Variants in R3HDM2 observed in about 807,000 individuals in gnomAD.
R3HDM2 encodes the protein R3H domain-containing protein 2.
A neutral mutation model predicts 124.5 loss-of-function variants in R3HDM2; 38 were observed. The observed-to-expected ratio is 0.31, with a 90% CI of 0.24 to 0.40. The LOEUF (loss-of-function observed/expected upper bound fraction) is 0.40. Ranked by LOEUF, R3HDM2 falls within the 10% of genes least tolerant of loss-of-function variation. R3HDM2 has a pLI of 1.00. For synonymous variants in R3HDM2, 391 were observed against 448.0 expected (o/e 0.87, Z 1.61); for missense variants, 869 against 1,236.9 (o/e 0.70, Z 4.46).
chr12:57,368,229 T>C lies in R3HDM2; in HGVS notation c.-36+27520A>G, dbSNP rs75511990. 2.1e-3 allele frequency among the ~76,000 whole-genome samples: 325 copies of C among 152,202 alleles called. 9 individuals are homozygous for C. The East Asian group carries it at 0.05, about 23-fold the overall frequency. ...TTAAAAAAAATTCAATGTGTATATA[T>C]ATATATTTAACTTTTTAAGCAGAAA... is the stretch of plus-strand genomic sequence containing the variant. On this transcript the variant is annotated intron_variant, in intron 2 of 23. Transcript: ENST00000402412.
chr12:57,430,406 C>T, intron 1 of R3HDM2: 2 of 515,830 alleles, frequency 3.9e-6, no homozygotes, highest in Non-Finnish European at 5.0e-6. Flanking sequence ...AAGAAACACA[C>T]GGAGCTAGCC....
At chr12:57,285,381 A>T (rs759359898) in intron 12 of R3HDM2, among the ~76,000 whole-genome samples, 2 of 152,154 alleles carry the variant, frequency 1.3e-5, no homozygotes, top group Non-Finnish European at 2.9e-5. Flanking sequence ...CTAAGAATAC[A>T]CTGGCACAAC....
intron 23 of R3HDM2, 74 bp from the exon 24 acceptor site, chr12:57,255,187 A>G (rs2038571873): frequency 7.9e-7 from 1 of 1,271,198 alleles, no homozygotes; most frequent in Non-Finnish European, 1.1e-6. Flanking sequence ...CCCAGCAGAG[A>G]AGTGTCCAGC....
chr12:57,392,637 A>C (rs1229549315), intron 2 of R3HDM2, among the ~76,000 whole-genome samples: 1 of 152,092 alleles, frequency 6.6e-6, no homozygotes, highest in Non-Finnish European at 1.5e-5. Context: ...CTTGTTGCCC[A>C]GGCTAGAGTG....
intron 2 of R3HDM2, among the ~76,000 whole-genome samples, chr12:57,313,306 C>T (rs1593124028): frequency 6.6e-6 from 1 of 152,096 alleles, no homozygotes. Flanking sequence ...ATGCCTGTAA[C>T]CCCAACACTT....
At chr12:57,378,532 C>T (rs913303701) in intron 2 of R3HDM2, among the ~76,000 whole-genome samples, 5 of 152,140 alleles carry the variant, frequency 3.3e-5, no homozygotes, top group Non-Finnish European at 5.9e-5. Flanking sequence ...CATATGCCAC[C>T]ACGACTGGCT....
chr12:57,335,151 T>C (rs954273573), intron 2 of R3HDM2, among the ~76,000 whole-genome samples: 2 of 151,458 alleles, frequency 1.3e-5, no homozygotes, highest in Admixed American at 6.6e-5. Context: ...CTACAAAATA[T>C]ATAACATATA....
chr12:57,283,273 G>GA (rs2046586461), intron 13 of R3HDM2, among the ~76,000 whole-genome samples: 1 of 151,954 alleles, frequency 6.6e-6, no homozygotes, highest in Non-Finnish European at 1.5e-5. Flanking sequence ...GAAAATCAGA[G>GA]AAAATAATCT....
intron 8 of R3HDM2, chr12:57,297,048 T>C (rs1353338736): frequency 3.3e-6 from 1 of 304,366 alleles, no homozygotes; most frequent in African/African-American, 2.2e-5. Flanking sequence ...AGAAAGACTG[T>C]CTCAAAAAAA....
chr12:57,369,602 C>T (rs2063075316), intron 2 of R3HDM2, among the ~76,000 whole-genome samples: 1 of 152,072 alleles, frequency 6.6e-6, no homozygotes, highest in Non-Finnish European at 1.5e-5. Context: ...ACTATAAATA[C>T]TTAGAATTTT....
chr12:57,366,052 ATT>A (rs1463675013), intron 2 of R3HDM2, among the ~76,000 whole-genome samples: 3 of 152,158 alleles, frequency 2.0e-5, no homozygotes, highest in Non-Finnish European at 2.9e-5. Flanking sequence ...TTATTCAAAT[ATT>A]TGTCTCCCTT....
rs377725699 is a variant in R3HDM2 at position 57,381,808 on chromosome 12, T to TAG, written c.-36+13939_-36+13940dup. Among the ~76,000 whole-genome samples the TAG allele has an allele frequency of 1.7e-4, 26 of 149,244 alleles. 1 individual carries two copies. Among genetic ancestry groups the TAG allele is most frequent in the African/African-American group, 3.7e-4 (15 of 40,690 alleles). Reference sequence around the variant, plus strand: ...TACATATAGAGAGAGGGGATAGAGATAGAGAGAGAGAGAGACAGAGACATA... The same window carrying TAG: ...TACATATAGAGAGAGGGGATAGAGATAGAGAGAGAGAGAGAGACAGAGACATA... On this transcript the variant is annotated intron_variant, in intron 2 of 23. Coordinates refer to ENST00000402412, the MANE Select transcript of R3HDM2 (RefSeq NM_001394031.1).
At chr12:57,360,006 A>AATATATAC (rs2061693263) in intron 2 of R3HDM2, among the ~76,000 whole-genome samples, 1 of 117,690 alleles carries the variant, frequency 8.5e-6, no homozygotes, top group Non-Finnish European at 1.7e-5. Flanking sequence ...TAAATAAATA[A>AATATATAC]ATATATATAT....
intron 2 of R3HDM2, among the ~76,000 whole-genome samples, chr12:57,374,179 G>T (rs1256173900): frequency 1.3e-5 from 2 of 152,032 alleles, no homozygotes; most frequent in Middle Eastern, 3.4e-3. Flanking sequence ...ATGAAAATAC[G>T]ATGTAATAAT....
At chr12:57,285,206 C>T (rs1306472429) in intron 12 of R3HDM2, among the ~76,000 whole-genome samples, 1 of 152,124 alleles carries the variant, frequency 6.6e-6, no homozygotes, top group Non-Finnish European at 1.5e-5. Flanking sequence ...AGGCACTAGG[C>T]TCAGAGTTAT....
chr12:57,417,979 T>C (rs2069813279), intron 1 of R3HDM2, among the ~76,000 whole-genome samples: 2 of 152,196 alleles, frequency 1.3e-5, no homozygotes, highest in African/African-American at 2.4e-5. Flanking sequence ...TGAGTAACCC[T>C]GTTCCCTATC....
At chr12:57,428,663 A>C (rs186335124) in intron 1 of R3HDM2, among the ~76,000 whole-genome samples, 9 of 152,236 alleles carry the variant, frequency 5.9e-5, no homozygotes, top group Non-Finnish European at 1.2e-4. Flanking sequence ...ACAACAACAA[A>C]AAGTAACATT....
chr12:57,292,513 A>G, intron 11 of R3HDM2, 59 bp downstream of exon 11: 1 of 1,177,356 alleles, frequency 8.5e-7, no homozygotes, highest in South Asian at 1.3e-5. Context: ...TTCCATTCAC[A>G]GTTCCAATGA....
intron 20 of R3HDM2, among the ~76,000 whole-genome samples, chr12:57,258,574 G>A (rs967209624): frequency 6.6e-6 from 1 of 151,974 alleles, no homozygotes; most frequent in Non-Finnish European, 1.5e-5. Flanking sequence ...GACCTCAAGT[G>A]ATCCTCCCGC....
Sources: gnomAD v4.1 joint callset for allele counts (sites outside exome capture counted in the v4.1 genomes callset) on GRCh38, gnomAD v4.1.1 for gene constraint, MANE v1.5 for transcripts, NCBI Gene and HGNC (gene_info 2026-07-23, HGNC 2026-07-21) for gene names.